EZH2: variants seen among roughly 807,000 people sequenced by gnomAD.
EZH2 encodes the protein enhancer of zeste 2 polycomb repressive complex 2 subunit, also known as histone-lysine N-methyltransferase EZH2.
In EZH2, 18 loss-of-function variants were observed where a neutral mutation model predicts 98.4. That is an observed-to-expected ratio of 0.18 (90% CI 0.13 to 0.27). EZH2 has a LOEUF of 0.27. EZH2 is among the 10% of genes least tolerant of loss of function. EZH2 has a pLI of 1.00. For missense variants in EZH2, 470 were observed against 935.1 expected, an observed-to-expected ratio of 0.50 and a Z score of 6.49; for synonymous variants, 338 against 312.3, an observed-to-expected ratio of 1.08 and a Z score of -0.87.
At chr7:148,824,597 T>G (rs1329450320) in intron 8 of EZH2, among the ~76,000 whole-genome samples, 1 of 152,198 alleles carries the variant, frequency 6.6e-6, no homozygotes, top group African/African-American at 2.4e-5. Flanking sequence ...TGTGTTTACA[T>G]AATGCCAAAA....
chr7:148,838,011 C>T (rs1471467013), intron 3 of EZH2, among the ~76,000 whole-genome samples: 3 of 150,490 alleles, frequency 2.0e-5, no homozygotes, highest in Non-Finnish European at 3.0e-5. Context: ...GGAATGATAA[C>T]ACAGCATTTA....
chr7:148,874,596 T>C (rs1465070517), intron 1 of EZH2, among the ~76,000 whole-genome samples: 2 of 152,294 alleles, frequency 1.3e-5, no homozygotes, highest in Non-Finnish European at 2.9e-5. Flanking sequence ...TTGCTTTATA[T>C]ATTTTTTTCT....
chr7:148,813,052 TAC>T (rs142835355), intron 15 of EZH2, among the ~76,000 whole-genome samples: 20,850 of 131,572 alleles, frequency 0.16, 1,547 homozygotes, highest in African/African-American at 0.2. Flanking sequence ...ACACCCCACA[TAC>T]ACACACACAC....
In EZH2 at chr7:148,810,316, C is replaced by A. The variant is rs769129417; in HGVS notation, c.2029+17G>T. 17 of 1,589,122 alleles carry A rather than the reference C, an allele frequency of 1.1e-5. No individual in the cohort carries two copies. The highest frequency in any genetic ancestry group is 1.5e-5 in the Non-Finnish European group (17 of 1,159,230). On this transcript the variant is annotated intron_variant, in intron 17 of 19. Transcript: ENST00000320356. ...ATGCAACTCAGGAACTCACTGCCTC[C>A]CAGCTCTGAAACATACCATTGTTCA... is the stretch of plus-strand genomic sequence containing the variant.
At chr7:148,831,297 C>T (rs546200900) in intron 4 of EZH2, among the ~76,000 whole-genome samples, 1 of 152,326 alleles carries the variant, frequency 6.6e-6, no homozygotes, top group Admixed American at 6.5e-5. Flanking sequence ...CAAATTCAAG[C>T]TTATGTACAC....
chr7:148,873,290 A>G (rs2373417), intron 1 of EZH2, among the ~76,000 whole-genome samples: 27,040 of 151,776 alleles, frequency 0.18, 2,613 homozygotes, highest in East Asian at 0.25. Flanking sequence ...TCAGGAGTTC[A>G]AGACCAGTCT....
chr7:148,877,482 C>G (rs2129494392), intron 1 of EZH2, among the ~76,000 whole-genome samples: 1 of 152,160 alleles, frequency 6.6e-6, no homozygotes. Flanking sequence ...CACTTTTTGC[C>G]AGGTACAGTT....
chr7:148,866,512 A>G (rs1263159010), intron 1 of EZH2, among the ~76,000 whole-genome samples: 6 of 102,318 alleles, frequency 5.9e-5, no homozygotes, highest in African/African-American at 1.6e-4. Flanking sequence ...GTATATACAT[A>G]TATATGTGTA....
chr7:148,830,241 G>A (rs971811836), intron 4 of EZH2, among the ~76,000 whole-genome samples: 4 of 152,194 alleles, frequency 2.6e-5, no homozygotes, highest in Admixed American at 2.6e-4. Context: ...GGCTGGTCTC[G>A]AACTCCTGAG....
intron 15 of EZH2, among the ~76,000 whole-genome samples, chr7:148,812,500 A>T (rs1803373437): frequency 6.6e-6 from 1 of 152,206 alleles, no homozygotes; most frequent in Non-Finnish European, 1.5e-5. Context: ...CTCACCTGTC[A>T]TGTGAACTTC....
At chr7:148,874,886 G>GA (rs1246215942) in intron 1 of EZH2, among the ~76,000 whole-genome samples, 2 of 144,556 alleles carry the variant, frequency 1.4e-5, no homozygotes, top group Non-Finnish European at 3.0e-5. Flanking sequence ...GACAGAGCAA[G>GA]ACTCCGTCTC....
intron 3 of EZH2, among the ~76,000 whole-genome samples, chr7:148,839,101 G>GAAGGAAGA (rs1202502279): frequency 6.6e-6 from 1 of 151,578 alleles, no homozygotes; most frequent in South Asian, 2.1e-4. Flanking sequence ...AGGAAGGAAG[G>GAAGGAAGA]AAGGAAAGTG....
chr7:148,857,184 C>A (rs961527842), intron 1 of EZH2, among the ~76,000 whole-genome samples: 2 of 152,200 alleles, frequency 1.3e-5, no homozygotes, highest in African/African-American at 4.8e-5. Context: ...TACAAAACAT[C>A]TGACCAATAC....
chr7:148,839,245 C>T (rs1295047949), intron 3 of EZH2, among the ~76,000 whole-genome samples: 2 of 152,136 alleles, frequency 1.3e-5, no homozygotes, highest in African/African-American at 4.8e-5. Flanking sequence ...TTTACAACTG[C>T]CCCTCACTAT....
At chr7:148,835,610 T>C (rs1810698448) in intron 3 of EZH2, among the ~76,000 whole-genome samples, 1 of 151,772 alleles carries the variant, frequency 6.6e-6, no homozygotes, top group South Asian at 2.1e-4. Flanking sequence ...TCAAATACTA[T>C]CCAGTGACTT....
At position 148,815,354 on chromosome 7, in the gene EZH2, A is replaced by C. The variant is rs557531976; in HGVS notation, c.1546+152T>G. 1.3e-5 allele frequency: 11 copies of C among 819,744 alleles called. No homozygotes were observed. In the South Asian group the frequency reaches 1.6e-4, roughly 12 times the overall value. The allele number at this position is 819,744 out of a possible 1,614,324, so 50.8% of individuals were successfully genotyped here. ...ACAGAAGAGAATTGACTGGGGATTC[A>C]TCAGTAGACGTCCTCCATTCAAATT... On this transcript the variant is annotated intron_variant, in intron 13 of 19. Transcript: ENST00000320356.
chr7:148,839,001 A>G (rs1004146299), intron 3 of EZH2, among the ~76,000 whole-genome samples: 6 of 151,470 alleles, frequency 4.0e-5, no homozygotes, highest in Non-Finnish European at 7.4e-5. Context: ...GAGGTGAGAC[A>G]AGATGACGCC....
intron 1 of EZH2, among the ~76,000 whole-genome samples, chr7:148,882,198 T>C (rs1371964954): frequency 6.6e-6 from 1 of 152,214 alleles, no homozygotes; most frequent in Non-Finnish European, 1.5e-5. Context: ...CTCTCCAAAA[T>C]ATATGTAATA....
chr7:148,821,698 T>A (rs952472522), intron 8 of EZH2, among the ~76,000 whole-genome samples: 1 of 152,140 alleles, frequency 6.6e-6, no homozygotes, highest in Non-Finnish European at 1.5e-5. Context: ...TGGTGGTGCA[T>A]GCTTGTAGTC....
Sources: gnomAD v4.1 joint callset for allele counts (sites outside exome capture counted in the v4.1 genomes callset) on GRCh38, gnomAD v4.1.1 for gene constraint, MANE v1.5 for transcripts, NCBI Gene and HGNC (gene_info 2026-07-23, HGNC 2026-07-21) for gene names.